MAST2: variants seen among roughly 807,000 people sequenced by gnomAD.
MAST2 encodes microtubule associated serine/threonine kinase 2.
A neutral mutation model predicts 147.4 loss-of-function variants in MAST2; 70 were observed. The observed-to-expected ratio is 0.47, with a 90% confidence interval of 0.39 to 0.58. The LOEUF (loss-of-function observed/expected upper bound fraction) is 0.58. Among genes scored for constraint, MAST2 ranks in the 20% least tolerant of loss-of-function variants. The pLI is 0.00. For missense variants in MAST2, 2,080 were observed against 2,302.3 expected, an observed-to-expected ratio of 0.90 and a Z score of 1.98; for synonymous variants, 869 against 896.8, an observed-to-expected ratio of 0.97 and a Z score of 0.55.
chr1:45,870,221 G>T (rs1646327474), intron 3 of MAST2, among the ~76,000 whole-genome samples: 1 of 152,076 alleles, frequency 6.6e-6, no homozygotes, highest in African/African-American at 2.4e-5. Flanking sequence ...ACTGCGCCCA[G>T]CTTTTGATTC....
intron 4 of MAST2, among the ~76,000 whole-genome samples, chr1:45,926,818 C>G (rs1302631539): frequency 1.3e-5 from 2 of 151,996 alleles, no homozygotes; most frequent in Non-Finnish European, 2.9e-5. Context: ...TTCAGGAACC[C>G]TTATATGCGA....
intron 3 of MAST2, among the ~76,000 whole-genome samples, chr1:45,855,714 G>C (rs112987882): frequency 3.9e-5 from 6 of 152,084 alleles, no homozygotes; most frequent in Non-Finnish European, 8.8e-5. Context: ...TGTATCCGGT[G>C]AGTTTGCTGA....
chr1:46,010,037 C>T (rs552741850), intron 9 of MAST2, among the ~76,000 whole-genome samples: 2 of 152,334 alleles, frequency 1.3e-5, no homozygotes, highest in South Asian at 2.1e-4. Flanking sequence ...AGGCCAGGCT[C>T]ATGTTCCTAT....
At position 45,824,596 on chromosome 1, in the gene MAST2, T is replaced by C. The variant is rs1293605347; in HGVS notation, c.325+16T>C. The C allele has an allele frequency of 1.9e-6, 3 of 1,567,430 alleles. No homozygotes were observed. On this transcript the variant is annotated intron_variant, in intron 2 of 28. Coordinates refer to ENST00000361297, the MANE Select transcript of MAST2 (RefSeq NM_015112.3). ...TCTCTATCGGGTAAATATCTGATTT[T>C]GTTGTTTTAAGAAATGTGGGACCAT...
chr1:45,826,363 CT>C (rs1644791987), intron 2 of MAST2, among the ~76,000 whole-genome samples: 2 of 151,686 alleles, frequency 1.3e-5, no homozygotes, highest in Non-Finnish European at 2.9e-5. Context: ...TGATACCTCA[CT>C]TTTTTTTGAG....
At chr1:45,969,884 G>A (rs978872055) in intron 5 of MAST2, among the ~76,000 whole-genome samples, 1 of 152,146 alleles carries the variant, frequency 6.6e-6, no homozygotes, top group East Asian at 1.9e-4. Context: ...GGGGAATGCT[G>A]TTCTATAGTC....
chr1:45,822,778 T>C (rs1235128964), intron 1 of MAST2, among the ~76,000 whole-genome samples: 1 of 151,694 alleles, frequency 6.6e-6, no homozygotes, highest in Non-Finnish European at 1.5e-5. Context: ...TTTAATGGAT[T>C]ACCAGCATTA....
chr1:45,816,379 A>G (rs945275343), intron 1 of MAST2, among the ~76,000 whole-genome samples: 16 of 152,204 alleles, frequency 1.1e-4, no homozygotes, highest in Non-Finnish European at 4.4e-5. Context: ...CGTTAAGACC[A>G]TTCAGGAAAA....
At chr1:45,910,894 T>C (rs982695612) in intron 4 of MAST2, among the ~76,000 whole-genome samples, 2 of 152,222 alleles carry the variant, frequency 1.3e-5, no homozygotes, top group Non-Finnish European at 1.5e-5. Flanking sequence ...GGAAGAAATA[T>C]GTGGACAAAG....
intron 21 of MAST2, 102 bp from the exon 22 acceptor site, chr1:46,030,505 G>A (rs948918575): frequency 2.2e-4 from 303 of 1,376,244 alleles, no homozygotes; most frequent in Non-Finnish European, 2.5e-4. Context: ...GGATGGAACC[G>A]ACTGGTTCAA....
At chr1:45,889,496 T>C (rs1647337357) in intron 4 of MAST2, among the ~76,000 whole-genome samples, 1 of 152,190 alleles carries the variant, frequency 6.6e-6, no homozygotes, top group South Asian at 2.1e-4. Context: ...CTTTGGTGAA[T>C]TTTTTCTTAC....
chr1:46,015,311 A>G (rs1645889234), intron 10 of MAST2, among the ~76,000 whole-genome samples: 1 of 152,226 alleles, frequency 6.6e-6, no homozygotes, highest in Admixed American at 6.5e-5. Flanking sequence ...AGAAGGCAAG[A>G]AATAACTAAA....
chr1:45,903,126 C>CTTTTTTGTTTTT (rs1650060434), intron 4 of MAST2, among the ~76,000 whole-genome samples: 1 of 79,324 alleles, frequency 1.3e-5, no homozygotes, highest in Non-Finnish European at 2.2e-5. Context: ...AAATTTTTGT[C>CTTTTTTGTTTTT]TTTTTTTTTT....
intron 5 of MAST2, among the ~76,000 whole-genome samples, chr1:45,976,039 A>G (rs908102175): frequency 6.6e-6 from 1 of 151,242 alleles, no homozygotes; most frequent in Non-Finnish European, 1.5e-5. Flanking sequence ...CAGTGGTGCA[A>G]TTTCGGCTCA....
intron 5 of MAST2, among the ~76,000 whole-genome samples, chr1:45,970,527 G>A (rs1235941360): frequency 6.6e-6 from 1 of 151,964 alleles, no homozygotes; most frequent in Admixed American, 6.6e-5. Flanking sequence ...AATTAGCTGG[G>A]TGTGGTGGCA....
chr1:45,814,423 C>T (rs749727794), intron 1 of MAST2, among the ~76,000 whole-genome samples: 3 of 151,818 alleles, frequency 2.0e-5, no homozygotes, highest in Non-Finnish European at 4.4e-5. Context: ...TAGGCTAGTG[C>T]GTATGTTTGT....
At chr1:45,937,742 A>C (rs1656478903) in intron 4 of MAST2, among the ~76,000 whole-genome samples, 1 of 121,094 alleles carries the variant, frequency 8.3e-6, no homozygotes. Flanking sequence ...ACAGAGTGAA[A>C]CTCCATCTCA....
At chr1:45,929,440 G>C (rs1201929700) in intron 4 of MAST2, among the ~76,000 whole-genome samples, 1 of 152,172 alleles carries the variant, frequency 6.6e-6, no homozygotes, top group Non-Finnish European at 1.5e-5. Context: ...ATAGCTAACT[G>C]ATTGCTCAGC....
intron 5 of MAST2, among the ~76,000 whole-genome samples, chr1:45,965,161 G>A (rs1245605277): frequency 2.0e-5 from 3 of 152,176 alleles, no homozygotes. Flanking sequence ...TTTTGGAATA[G>A]GTGCGGTGTG....
Sources: gnomAD v4.1 joint callset for allele counts (sites outside exome capture counted in the v4.1 genomes callset) on GRCh38, gnomAD v4.1.1 for gene constraint, MANE v1.5 for transcripts, NCBI Gene and HGNC (gene_info 2026-07-23, HGNC 2026-07-21) for gene names.